The following UBE3A variants were observed in gnomAD, a reference collection of about 807,000 sequenced individuals.
UBE3A encodes ubiquitin-protein ligase E3A.
A neutral mutation model predicts 83.4 loss-of-function variants in UBE3A; 6 were observed. The observed-to-expected ratio is 0.07, with a 90% CI of 0.04 to 0.14. The LOEUF (loss-of-function observed/expected upper bound fraction) is 0.14. Among genes scored for constraint, UBE3A ranks in the 10% least tolerant of loss-of-function variants. UBE3A has a pLI of 1.00. For synonymous variants in UBE3A, 337 were observed against 355.4 expected, an observed-to-expected ratio of 0.95 and a Z score of 0.58; for missense variants, 456 against 1,036.1, an observed-to-expected ratio of 0.44 and a Z score of 7.69.
rs962085939 is a variant in UBE3A, at chr15:25,337,386, G to A, written c.*1751C>T. ...CGAAGGTCCCTTTCATCAAGGTAGC[G>A]TATGTACCCTAACAGTGTTCTAAAG... On this transcript the variant is annotated 3_prime_UTR_variant, in exon 13 of 13. Transcript: ENST00000648336. 3 of 151,992 alleles carry A rather than the reference G, an allele frequency of 2.0e-5. No individual in the cohort carries two copies. The highest frequency in any genetic ancestry group is 2.9e-5 in the Non-Finnish European group (2 of 67,998). 9.4% of individuals were successfully genotyped at this position (151,992 alleles called of 1,614,324 possible). A position where few individuals can be genotyped will look rare whatever the true frequency, so the allele number is the denominator to read the frequency against.
intron 4 of UBE3A, among the ~76,000 whole-genome samples, chr15:25,380,075 T>C (rs1200457839): frequency 6.6e-6 from 1 of 152,074 alleles, no homozygotes; most frequent in African/African-American, 2.4e-5. Flanking sequence ...CACATGCTGT[T>C]CTTGTGGTAG....
At chr15:25,404,274 CAATT>C (rs1299135240) in intron 4 of UBE3A, among the ~76,000 whole-genome samples, 1 of 152,090 alleles carries the variant, frequency 6.6e-6, no homozygotes, top group African/African-American at 2.4e-5. Context: ...CCCACAATTA[CAATT>C]AATATCACAC....
rs568695022 is a variant in UBE3A at position 25,383,501 on chromosome 15, G to C, written c.63-7738C>G. On this transcript the variant is annotated intron_variant, in intron 4 of 12. Transcript: ENST00000648336. Reference sequence around the variant, plus strand: ...AAAATACAAAAACTAATCGGGCATGGTGGTGGGCGCCTGTAATTCCAGCTA... The same window carrying C: ...AAAATACAAAAACTAATCGGGCATGCTGGTGGGCGCCTGTAATTCCAGCTA... Among the ~76,000 whole-genome samples the C allele has an allele frequency of 3.9e-5, 6 of 152,164 alleles. No homozygotes were observed. In the East Asian group the frequency reaches 1.2e-3, roughly 29 times the overall value.
chr15:25,405,925 A>G (rs2088415765), intron 3 of UBE3A, among the ~76,000 whole-genome samples: 1 of 152,052 alleles, frequency 6.6e-6, no homozygotes, highest in Admixed American at 6.6e-5. Flanking sequence ...TCAGTAAACT[A>G]CTCCCTAGGC....
intron 11 of UBE3A, among the ~76,000 whole-genome samples, chr15:25,351,321 C>CA (rs1266131686): frequency 2.0e-5 from 3 of 152,122 alleles, no homozygotes; most frequent in African/African-American, 7.2e-5. Context: ...TCGAGTATCA[C>CA]AATTTTGTAA....
chr15:25,415,645 T>G (rs1008960672), intron 1 of UBE3A: 3 of 152,140 alleles, frequency 2.0e-5, no homozygotes, highest in African/African-American at 4.8e-5. Flanking sequence ...CCTTCATGTC[T>G]TATTATACAT....
Position 25,370,740 on chromosome 15 carries a change from G to C in UBE3A, c.1434C>G (p.Pro478=), listed in dbSNP as rs2152820316. Residue 478 remains proline, a synonymous_variant, in exon 6 of 13, where the codon CCC becomes CCG. Transcript: ENST00000648336. This position sits in a 1 kb window ranked among gnomAD's most constrained non-coding sequence, Gnocchi z 4.2. The stretch of plus-strand genomic sequence containing the variant: ...TCTTTGTGACAGCATTCAATATAAA[G>C]GGACATGTCATAAAAGAGAATTTGT... The part of the protein sequence containing the change: ...TENKFSFMTC[P]FILNAVTKNL... 1 of 1,613,996 alleles carries C rather than the reference G, an allele frequency of 6.2e-7. No homozygotes were observed. The highest frequency in any genetic ancestry group is 1.3e-5 in the African/African-American group (1 of 75,004).
rs1237577101 is a variant in UBE3A, at chr15:25,405,481, G to A, written c.42C>T (p.Asp14=). The A allele has an allele frequency of 2.5e-6, 4 of 1,613,666 alleles. No individual in the cohort carries two copies. Among genetic ancestry groups the A allele is most frequent in the African/African-American group, 1.3e-5 (1 of 74,844 alleles). Residue 14 remains aspartate, a synonymous_variant, in exon 4 of 13, where the codon GAC becomes GAT. Coordinates refer to ENST00000648336, the MANE Select transcript of UBE3A (RefSeq NM_130839.5). ...ACKRSGEPQS[D]DIEASRMKRA... Reference sequence around the variant, plus strand: ...CTTACATTCGGCTAGCTTCAATGTCGTCAGACTGAGGTTCTCCTGATCTGT... The same window carrying A: ...CTTACATTCGGCTAGCTTCAATGTCATCAGACTGAGGTTCTCCTGATCTGT...
chr15:25,362,810 T>A (rs1208397065), intron 6 of UBE3A, among the ~76,000 whole-genome samples: 1 of 152,198 alleles, frequency 6.6e-6, no homozygotes, highest in Non-Finnish European at 1.5e-5. Context: ...CCCAACTGGC[T>A]AGGTGTTAAA....
At position 25,354,653 on chromosome 15, in the gene UBE3A, G is replaced by C; in HGVS notation, c.2155C>G (p.Leu719Val). The C allele has an allele frequency of 6.2e-7, 1 of 1,613,160 alleles. No individual in the cohort carries two copies. The highest frequency in any genetic ancestry group is 1.1e-5 in the South Asian group (1 of 91,056). The change falls in exon 10 of 13, where the codon CTC (leucine) becomes GTC (valine). Residue 719 changes from leucine (L) to valine (V), a missense_variant. Leu to Val is a conservative substitution (Grantham distance 32, BLOSUM62 1). This residue lies in a region of UBE3A where 82 missense variants were observed against 199.3 expected (regional missense o/e 0.41). Transcript: ENST00000648336. ...EFVNLYSDYI[L>V]NKSVEKQFKA... ...AACTGTTTTTCTACTGATTTATTGA[G>C]AATGTAGTCAGAATAAAGATTGACA...
intron 11 of UBE3A, among the ~76,000 whole-genome samples, chr15:25,352,827 T>A (rs1343682952): frequency 6.6e-6 from 1 of 152,230 alleles, no homozygotes; most frequent in East Asian, 1.9e-4. Flanking sequence ...CTCTTGAGGA[T>A]GAGTTGGAAG....
At chr15:25,341,704 A>C (rs1174039977) in intron 11 of UBE3A, among the ~76,000 whole-genome samples, 1 of 150,590 alleles carries the variant, frequency 6.6e-6, no homozygotes, top group Non-Finnish European at 1.5e-5. Flanking sequence ...CGGAGGCTGC[A>C]ATGAGCTGAG....
At position 25,369,007 on chromosome 15, in the gene UBE3A, T is replaced by TA. The variant is rs1046118379; in HGVS notation, c.1608+1558dup. ...GGATCTCACCTCAAGAAGCCAAACA[T>TA]AAAGTATGTAGCTTTGGCATTTGCA... On this transcript the variant is annotated intron_variant, in intron 6 of 12. Transcript: ENST00000648336. Among the ~76,000 whole-genome samples, 15 of 152,212 alleles carry TA rather than the reference T, an allele frequency of 9.9e-5. No homozygotes were observed. In the Middle Eastern group the frequency reaches 0.01, roughly 104 times the overall value.
chr15:25,423,495 G>A (rs1025616897), intron 1 of UBE3A, among the ~76,000 whole-genome samples: 26 of 152,020 alleles, frequency 1.7e-4, no homozygotes, highest in Non-Finnish European at 3.2e-4. Context: ...GAAAACAACC[G>A]AATTTCCAAA....
chr15:25,432,365 G>C (rs1246007783), intron 1 of UBE3A, among the ~76,000 whole-genome samples: 3 of 152,150 alleles, frequency 2.0e-5, no homozygotes, highest in Non-Finnish European at 2.9e-5. Flanking sequence ...GCAATTCTAA[G>C]ACTACTTATT....
At chr15:25,375,888 A>T in intron 4 of UBE3A, 125 bp from the exon 5 acceptor site, 1 of 1,069,516 alleles carries the variant, frequency 9.4e-7, no homozygotes, top group Non-Finnish European at 1.4e-6. Context: ...GAAGATGAGA[A>T]GTAGAAAATG....
At chr15:25,367,229 TTGTAAATATGTAAATATTTG>T (rs2079375461) in intron 6 of UBE3A, among the ~76,000 whole-genome samples, 1 of 79,694 alleles carries the variant, frequency 1.3e-5, no homozygotes, top group African/African-American at 7.9e-5. Flanking sequence ...ATTTACATAT[TTGTAAATATGTAAATATTTG>T]CATATTTGTA....
chr15:25,354,382 A>T lies in UBE3A; in HGVS notation c.2325T>A (p.Gly775=), dbSNP rs776323812. 6.2e-7 allele frequency: 1 copy of T among 1,613,800 alleles called. No individual in the cohort carries two copies. The highest frequency in any genetic ancestry group is 1.3e-5 in the African/African-American group (1 of 75,036). ...QALEETTEYD[G]GYTRDSVLIR... ...TCAGAACAGAGTCCCTGGTATAGCCACCGTCATATTCTGTAGTTTCTTCTA... is the reference window on the plus strand; with the variant it reads ...TCAGAACAGAGTCCCTGGTATAGCCTCCGTCATATTCTGTAGTTTCTTCTA... The change falls in exon 11 of 13, where the codon GGT becomes GGA. Residue 775 remains glycine, a synonymous_variant. Transcript: ENST00000648336.
chr15:25,383,600 T>C (rs1046480553), intron 4 of UBE3A, among the ~76,000 whole-genome samples: 4 of 152,034 alleles, frequency 2.6e-5, no homozygotes, highest in African/African-American at 4.8e-5. Flanking sequence ...GATAGCATCA[T>C]TGCACTCCAG....
Sources: gnomAD v4.1 joint callset for allele counts (sites outside exome capture counted in the v4.1 genomes callset) on GRCh38, gnomAD v4.1.1 for gene constraint, gnomAD v4.1.1 regional missense constraint, Gnocchi (gnomAD v3.1) non-coding constraint, MANE v1.5 for transcripts, NCBI Gene and HGNC (gene_info 2026-07-23, HGNC 2026-07-21) for gene names.